The following ZNF521 variants were observed in gnomAD, a reference collection of about 807,000 sequenced individuals.
The protein encoded by ZNF521 is zinc finger protein 521.
A neutral mutation model predicts 105.5 loss-of-function variants in ZNF521; 14 were observed. The observed-to-expected ratio is 0.13, with a 90% CI of 0.09 to 0.21. ZNF521 has a LOEUF of 0.21. Among genes scored for constraint, ZNF521 ranks in the 10% least tolerant of loss-of-function variants. The pLI is 1.00. For missense variants in ZNF521, 1,233 were observed against 1,629.7 expected (o/e 0.76, Z 4.19); for synonymous variants, 635 against 606.0 (o/e 1.05, Z -0.70).
chr18:25,318,116 T>C (rs7228404), intron 3 of ZNF521, among the ~76,000 whole-genome samples: 37,219 of 152,114 alleles, frequency 0.24, 5,131 homozygotes, highest in South Asian at 0.36. Context: ...GTTCATATAA[T>C]GGAATACTAC....
At chr18:25,312,654 T>A (rs1912378399) in intron 3 of ZNF521, among the ~76,000 whole-genome samples, 1 of 97,802 alleles carries the variant, frequency 1.0e-5, no homozygotes. Flanking sequence ...CTACTAAAAA[T>A]ACAAAAATTA....
intron 5 of ZNF521, among the ~76,000 whole-genome samples, chr18:25,157,427 A>T (rs1485284646): frequency 1.3e-5 from 2 of 152,214 alleles, no homozygotes; most frequent in African/African-American, 4.8e-5. Context: ...GGAAAGTTCA[A>T]ATGAAGAGCA....
At chr18:25,269,955 G>A (rs1909535887) in intron 3 of ZNF521, among the ~76,000 whole-genome samples, 1 of 152,052 alleles carries the variant, frequency 6.6e-6, no homozygotes, top group Admixed American at 6.5e-5. Context: ...CAGAACTGAA[G>A]CAGATGGAGA....
chr18:25,178,741 T>G (rs4329986), intron 5 of ZNF521, among the ~76,000 whole-genome samples: 74,852 of 152,040 alleles, frequency 0.49, 18,747 homozygotes, highest in East Asian at 0.64. Flanking sequence ...CTGAACCAAG[T>G]ATAGGTTTTA....
At chr18:25,157,523 G>A (rs546889894) in intron 5 of ZNF521, among the ~76,000 whole-genome samples, 15 of 152,320 alleles carry the variant, frequency 9.8e-5, no homozygotes, top group African/African-American at 3.1e-4. Flanking sequence ...GCAACACGTT[G>A]GTAACAATTC....
chr18:25,284,551 A>G (rs1024747495), intron 3 of ZNF521, among the ~76,000 whole-genome samples: 11 of 152,204 alleles, frequency 7.2e-5, no homozygotes, highest in Admixed American at 6.5e-5. Flanking sequence ...GAGAGCGCTG[A>G]GGGCCGGAGG....
At chr18:25,333,314 C>CTATATATA (rs67351091) in intron 2 of ZNF521, among the ~76,000 whole-genome samples, 6 of 145,716 alleles carry the variant, frequency 4.1e-5, no homozygotes, top group Admixed American at 2.8e-4. Context: ...CTCTCTCTCT[C>CTATATATA]TATATATATA....
chr18:25,351,815 C>T, intron 1 of ZNF521, 190 bp downstream of exon 1: 1 of 168,184 alleles, frequency 5.9e-6, no homozygotes, highest in Non-Finnish European at 1.2e-5. Context: ...CCTCTCTGGG[C>T]GGGGGCGCGG....
intron 5 of ZNF521, among the ~76,000 whole-genome samples, chr18:25,143,288 C>A (rs533474366): frequency 3.9e-4 from 60 of 152,146 alleles, no homozygotes; most frequent in Non-Finnish European, 6.3e-4. Context: ...AATGCCTAAA[C>A]AGAAATTTAT....
At chr18:25,088,475 T>G (rs2033675305) in intron 7 of ZNF521, among the ~76,000 whole-genome samples, 2 of 152,068 alleles carry the variant, frequency 1.3e-5, no homozygotes, top group Non-Finnish European at 1.5e-5. Context: ...CACCTCGGCC[T>G]CCCAAAGTGC....
In ZNF521 at chr18:25,191,030, T is replaced by C. The variant is rs114938749; in HGVS notation, c.3658+4130A>G. Among the ~76,000 whole-genome samples, 820 of 152,276 alleles carry C rather than the reference T, an allele frequency of 5.4e-3. 11 individuals are homozygous for C. Among genetic ancestry groups the C allele is most frequent in the African/African-American group, 0.019 (772 of 41,558 alleles). ...TCTGCTTTTCTAAGAGACAAACATA[T>C]TTGCTTCTTCAAAATGCTTTAACAT... On this transcript the variant is annotated intron_variant, in intron 5 of 7. Transcript: ENST00000361524.
At chr18:25,105,558 T>G (rs2034055198) in intron 5 of ZNF521, among the ~76,000 whole-genome samples, 1 of 152,148 alleles carries the variant, frequency 6.6e-6, no homozygotes. Context: ...ACTACTGTAT[T>G]TATATAGCCC....
At chr18:25,131,040 T>C (rs1030957576) in intron 5 of ZNF521, among the ~76,000 whole-genome samples, 2 of 152,044 alleles carry the variant, frequency 1.3e-5, no homozygotes, top group African/African-American at 2.4e-5. Context: ...GGTATACTTA[T>C]GTGGAAAATG....
chr18:25,179,732 T>G (rs778708377), intron 5 of ZNF521, among the ~76,000 whole-genome samples: 3 of 152,192 alleles, frequency 2.0e-5, no homozygotes, highest in Non-Finnish European at 4.4e-5. Flanking sequence ...TTCATTTCAC[T>G]TTTGTACCAT....
intron 3 of ZNF521, among the ~76,000 whole-genome samples, chr18:25,279,970 G>T (rs1208850502): frequency 6.6e-6 from 1 of 152,184 alleles, no homozygotes; most frequent in Non-Finnish European, 1.5e-5. Context: ...ACAAACTGCA[G>T]TGATACGATA....
Position 25,324,793 on chromosome 18 carries a change from C to T in ZNF521, c.41-2606G>A, listed in dbSNP as rs370892429. Among the ~76,000 whole-genome samples, 5 of 152,188 alleles carry T rather than the reference C, an allele frequency of 3.3e-5. No individual in the cohort carries two copies. In the East Asian group the frequency reaches 9.6e-4, roughly 29 times the overall value. On this transcript the variant is annotated intron_variant, in intron 2 of 7. Coordinates refer to ENST00000361524, the MANE Select transcript of ZNF521 (RefSeq NM_015461.3). ...TCCTTATTATTCAAGAATATGGACA[C>T]TTTCCATGAATCCAATATCAAAAAT...
chr18:25,128,958 T>C (rs143336119), intron 5 of ZNF521, among the ~76,000 whole-genome samples: 354 of 152,092 alleles, frequency 2.3e-3, no homozygotes, highest in African/African-American at 8.2e-3. Context: ...AAAGATTCTA[T>C]AGTTTATACA....
At chr18:25,219,502 T>C (rs1905553226) in intron 4 of ZNF521, among the ~76,000 whole-genome samples, 2 of 152,042 alleles carry the variant, frequency 1.3e-5, no homozygotes, top group African/African-American at 4.8e-5. Flanking sequence ...TTTATATGAG[T>C]CCGAAACTCA....
chr18:25,315,288 T>C (rs556747681), intron 3 of ZNF521, among the ~76,000 whole-genome samples: 14 of 152,236 alleles, frequency 9.2e-5, no homozygotes, highest in African/African-American at 3.4e-4. Context: ...ACTTAATTTT[T>C]TCTTTCACCT....
Sources: gnomAD v4.1 joint callset for allele counts (sites outside exome capture counted in the v4.1 genomes callset) on GRCh38, gnomAD v4.1.1 for gene constraint, MANE v1.5 for transcripts, NCBI Gene and HGNC (gene_info 2026-07-23, HGNC 2026-07-21) for gene names.